Variants in CHN2 observed in about 807,000 individuals in gnomAD.
CHN2 encodes chimerin 2.
Under a neutral mutation model 56.3 loss-of-function variants are expected in CHN2, and 35 were observed. The observed-to-expected ratio is 0.62, with a 90% CI of 0.47 to 0.82. The LOEUF (loss-of-function observed/expected upper bound fraction) is 0.82. Among genes scored for constraint, CHN2 ranks in the 40% least tolerant of loss-of-function variants. The pLI is 0.00. For missense variants in CHN2, 491 were observed against 580.5 expected (o/e 0.85, Z 1.58); for synonymous variants, 210 against 212.8 (o/e 0.99, Z 0.12).
chr7:29,218,814 GA>G (rs1785544057), intron 1 of CHN2, among the ~76,000 whole-genome samples: 1 of 120,138 alleles, frequency 8.3e-6, no homozygotes, highest in African/African-American at 3.2e-5. Flanking sequence ...GGGGTGGGGG[GA>G]GAGGAGAGGG....
intron 1 of CHN2, among the ~76,000 whole-genome samples, chr7:29,233,744 G>T (rs918336902): frequency 6.8e-6 from 1 of 146,726 alleles, no homozygotes; most frequent in African/African-American, 2.5e-5. Flanking sequence ...AGGACTGCTG[G>T]CAGCCTGTAG....
At chr7:29,332,564 C>T (rs962949015) in intron 1 of CHN2, among the ~76,000 whole-genome samples, 3 of 142,762 alleles carry the variant, frequency 2.1e-5, no homozygotes, top group Non-Finnish European at 4.7e-5. Flanking sequence ...CACAGTTCCC[C>T]GTCAGCCACA....
intron 12 of CHN2, among the ~76,000 whole-genome samples, chr7:29,510,737 T>TTATC (rs562172447): frequency 2.0e-5 from 3 of 152,304 alleles, no homozygotes; most frequent in African/African-American, 7.2e-5. Flanking sequence ...TTACCGTGTT[T>TTATC]TATCTGTTAG....
At chr7:29,155,265 A>G (rs1421134609) in intron 2 of CHN2, among the ~76,000 whole-genome samples, 1 of 152,236 alleles carries the variant, frequency 6.6e-6, no homozygotes. Flanking sequence ...TTCAGGGAAA[A>G]CAACTACATT....
chr7:29,349,875 A>G (rs1379927719), intron 1 of CHN2, among the ~76,000 whole-genome samples: 1 of 152,128 alleles, frequency 6.6e-6, no homozygotes, highest in Non-Finnish European at 1.5e-5. Flanking sequence ...AAAATGTTTA[A>G]CAAACTAATA....
At chr7:29,327,672 A>G (rs2128900273) in intron 1 of CHN2, among the ~76,000 whole-genome samples, 1 of 152,264 alleles carries the variant, frequency 6.6e-6, no homozygotes, top group Non-Finnish European at 1.5e-5. Context: ...CCATATTGGG[A>G]TAGCCAGAGA....
At chr7:29,342,190 A>G (rs1021743512) in intron 1 of CHN2, among the ~76,000 whole-genome samples, 2 of 152,200 alleles carry the variant, frequency 1.3e-5, no homozygotes, top group Non-Finnish European at 2.9e-5. Flanking sequence ...ATGAATGGGT[A>G]GATGGATGAG....
chr7:29,270,533 G>A lies in CHN2; in HGVS notation c.49+75543G>A, dbSNP rs147133672. ...AAAAAAATTAGCCAGGCCTGGTGGT[G>A]CGCACTTGTAATCCCAGCTACTTAG... On this transcript the variant is annotated intron_variant, in intron 1 of 12. Coordinates refer to ENST00000222792, the MANE Select transcript of CHN2 (RefSeq NM_004067.4). 1.4e-4 allele frequency among the ~76,000 whole-genome samples: 21 copies of A among 151,182 alleles called. No individual in the cohort carries two copies. The East Asian group carries it at 3.7e-3, about 27-fold the overall frequency.
chr7:29,282,264 A>C (rs1791779455), intron 1 of CHN2, among the ~76,000 whole-genome samples: 1 of 152,184 alleles, frequency 6.6e-6, no homozygotes, highest in Non-Finnish European at 1.5e-5. Context: ...AGTTCAACAG[A>C]TTGTGATTGA....
At chr7:29,299,413 A>G (rs1163713661) in intron 1 of CHN2, among the ~76,000 whole-genome samples, 25 of 152,160 alleles carry the variant, frequency 1.6e-4, no homozygotes, top group Admixed American at 1.6e-3. Context: ...GACCTTAACA[A>G]AGGATTTGCA....
intron 6 of CHN2, among the ~76,000 whole-genome samples, chr7:29,455,306 A>G (rs1291608223): frequency 1.3e-5 from 2 of 152,208 alleles, no homozygotes; most frequent in Non-Finnish European, 2.9e-5. Context: ...ATTAGTAATC[A>G]TAATAAGAGT....
intron 1 of CHN2, among the ~76,000 whole-genome samples, chr7:29,319,779 C>T (rs1795210162): frequency 6.6e-6 from 1 of 152,106 alleles, no homozygotes; most frequent in Admixed American, 6.6e-5. Flanking sequence ...GATTTTCTTA[C>T]AGGGCCGTGG....
At chr7:29,409,288 T>C (rs1455330359) in intron 6 of CHN2, among the ~76,000 whole-genome samples, 1 of 152,216 alleles carries the variant, frequency 6.6e-6, no homozygotes, top group Admixed American at 6.5e-5. Flanking sequence ...CTTCTGTTAA[T>C]GTGGGTTAAA....
chr7:29,262,816 C>T (rs140133749), intron 1 of CHN2, among the ~76,000 whole-genome samples: 1 of 152,224 alleles, frequency 6.6e-6, no homozygotes, highest in East Asian at 1.9e-4. Context: ...GGAAAACCAG[C>T]TAATATATGT....
chr7:29,332,993 G>A (rs918204932), intron 1 of CHN2: 15 of 152,034 alleles, frequency 9.9e-5, no homozygotes, highest in African/African-American at 3.1e-4. Flanking sequence ...TGAGGATAAC[G>A]GCATGGAGTA....
At chr7:29,211,610 T>C (rs1372753585) in intron 1 of CHN2, among the ~76,000 whole-genome samples, 1 of 152,122 alleles carries the variant, frequency 6.6e-6, no homozygotes, top group Admixed American at 6.5e-5. Flanking sequence ...CACAAGTTGA[T>C]TTCAGAATCC....
At chr7:29,178,235 C>A (rs1797609774) in intron 2 of CHN2, among the ~76,000 whole-genome samples, 1 of 152,192 alleles carries the variant, frequency 6.6e-6, no homozygotes, top group African/African-American at 2.4e-5. Flanking sequence ...CCAAAGTGAT[C>A]TTTTCAGTAT....
At chr7:29,256,712 T>C (rs1199322893) in intron 1 of CHN2, among the ~76,000 whole-genome samples, 1 of 152,164 alleles carries the variant, frequency 6.6e-6, no homozygotes, top group Non-Finnish European at 1.5e-5. Context: ...GTGATCTCGA[T>C]GATCTTCTGA....
chr7:29,263,282 G>C (rs182204138), intron 1 of CHN2, among the ~76,000 whole-genome samples: 3 of 152,192 alleles, frequency 2.0e-5, no homozygotes, highest in Non-Finnish European at 2.9e-5. Context: ...TGCCCGCCTC[G>C]GCCTCCCGAG....
Sources: allele counts gnomAD v4.1 joint callset (sites outside exome capture counted in the v4.1 genomes callset), GRCh38; gene constraint gnomAD v4.1.1; transcripts MANE v1.5; gene names NCBI Gene and HGNC (gene_info 2026-07-23, HGNC 2026-07-21).